COLGALT2: variants seen among roughly 807,000 people sequenced by gnomAD.
COLGALT2 encodes procollagen galactosyltransferase 2.
A neutral mutation model predicts 73.4 loss-of-function variants in COLGALT2; 49 were observed. That is an observed-to-expected ratio of 0.67 (90% CI 0.53 to 0.85). COLGALT2 has a LOEUF of 0.85. Among genes scored for constraint, COLGALT2 ranks in the 40% least tolerant of loss-of-function variants. COLGALT2 has a pLI of 0.00. For synonymous variants in COLGALT2, 295 were observed against 307.6 expected, an observed-to-expected ratio of 0.96 and a Z score of 0.43; for missense variants, 722 against 790.2, an observed-to-expected ratio of 0.91 and a Z score of 1.03.
At chr1:184,003,029 A>C (rs891434998) in intron 1 of COLGALT2, among the ~76,000 whole-genome samples, 2 of 152,236 alleles carry the variant, frequency 1.3e-5, no homozygotes, top group Non-Finnish European at 2.9e-5. Flanking sequence ...AATATTCAAC[A>C]GTAGGTGACT....
At chr1:184,024,422 G>A (rs946063127) in intron 1 of COLGALT2, among the ~76,000 whole-genome samples, 7 of 150,324 alleles carry the variant, frequency 4.7e-5, no homozygotes, top group East Asian at 2.0e-4. Context: ...GCATGATCTC[G>A]GCTCACTGCA....
At chr1:184,022,709 T>C (rs904817659) in intron 1 of COLGALT2, among the ~76,000 whole-genome samples, 2 of 152,218 alleles carry the variant, frequency 1.3e-5, no homozygotes, top group African/African-American at 2.4e-5. Context: ...AAATCTCAGA[T>C]ACTCTATTAC....
intron 1 of COLGALT2, among the ~76,000 whole-genome samples, chr1:184,032,046 A>G (rs1649530445): frequency 1.3e-5 from 2 of 152,084 alleles, no homozygotes; most frequent in Non-Finnish European, 2.9e-5. Context: ...GGTGCATGCC[A>G]TCGTGCCTGG....
At position 184,037,728 on chromosome 1, in the gene COLGALT2, T is replaced by G. The variant is rs967983108; in HGVS notation, c.-371A>C. On this transcript the variant is annotated 5_prime_UTR_variant, in exon 1 of 12. Coordinates refer to ENST00000361927, the MANE Select transcript of COLGALT2 (RefSeq NM_015101.4). ...TGGCCTTCCCTAGAGCCGCGAGTTG[T>G]GGCCCTGTCTGCCAATGAGCCTGTG... 1.2e-6 allele frequency: 1 copy of G among 856,600 alleles called. No individual in the cohort carries two copies. Among genetic ancestry groups the G allele is most frequent in the Non-Finnish European group, 1.4e-6 (1 of 709,298 alleles). The allele number at this position is 856,600 out of a possible 1,614,324, so 53.1% of individuals were successfully genotyped here. A position where few individuals can be genotyped will look rare whatever the true frequency, so the allele number is the denominator to read the frequency against.
intron 1 of COLGALT2, among the ~76,000 whole-genome samples, chr1:184,011,500 G>A (rs948463739): frequency 6.6e-6 from 1 of 152,122 alleles, no homozygotes; most frequent in Non-Finnish European, 1.5e-5. Context: ...ACTGCCATCT[G>A]CTACATAGGA....
intron 7 of COLGALT2, among the ~76,000 whole-genome samples, chr1:183,952,895 T>C (rs1670438028): frequency 6.6e-6 from 1 of 152,238 alleles, no homozygotes; most frequent in South Asian, 2.1e-4. Flanking sequence ...CATACTGTGA[T>C]GGGTCATGCC....
chr1:183,954,601 G>A (rs1670502682), intron 7 of COLGALT2, among the ~76,000 whole-genome samples, 161 bp downstream of exon 7: 1 of 152,090 alleles, frequency 6.6e-6, no homozygotes, highest in African/African-American at 2.4e-5. Flanking sequence ...AGGAAACTGA[G>A]AACAACAAAA....
At chr1:183,975,065 C>A in intron 3 of COLGALT2, 32 bp downstream of exon 3, 1 of 1,463,860 alleles carries the variant, frequency 6.8e-7, no homozygotes, top group Non-Finnish European at 9.6e-7. Flanking sequence ...CCTGAGATGA[C>A]AGTTGTCAAG....
At chr1:184,037,005 C>A (rs1453075924) in intron 1 of COLGALT2, 90 bp downstream of exon 1, 5 of 1,130,236 alleles carry the variant, frequency 4.4e-6, no homozygotes, top group Admixed American at 4.4e-5. Context: ...GCGGCTCCCT[C>A]GCCCTGCAGC....
chr1:183,940,032 C>T (rs1244652772), intron 11 of COLGALT2, among the ~76,000 whole-genome samples: 1 of 152,222 alleles, frequency 6.6e-6, no homozygotes, highest in East Asian at 1.9e-4. Flanking sequence ...CCCCAAGCAT[C>T]ACACTGCCCT....
chr1:184,020,074 C>G (rs1055261274), intron 1 of COLGALT2, among the ~76,000 whole-genome samples: 1 of 152,090 alleles, frequency 6.6e-6, no homozygotes, highest in African/African-American at 2.4e-5. Flanking sequence ...CATTTATTGT[C>G]TAAGTGGTAT....
At chr1:184,025,097 G>A (rs1010702779) in intron 1 of COLGALT2, among the ~76,000 whole-genome samples, 6 of 152,240 alleles carry the variant, frequency 3.9e-5, no homozygotes, top group African/African-American at 1.4e-4. Context: ...CGTTATGAAA[G>A]CTGTTAAGAT....
rs1470438115 is a variant in COLGALT2, at chr1:183,938,002, C to T, written c.*759G>A. 11 of 985,226 alleles carry T rather than the reference C, an allele frequency of 1.1e-5. No individual in the cohort carries two copies. Among genetic ancestry groups the T allele is most frequent in the Middle Eastern group, 1.0e-3 (2 of 1,936 alleles). The allele number at this position is 985,226 out of a possible 1,614,324, so 61.0% of individuals were successfully genotyped here. A position where few individuals can be genotyped will look rare whatever the true frequency, so the allele number is the denominator to read the frequency against. On this transcript the variant is annotated 3_prime_UTR_variant, in exon 12 of 12. Transcript: ENST00000361927. ...TCTTTATAAATAGAGCATCCTGACT[C>T]GAGTGGCCATAATAAAAAAGCCAAA...
intron 1 of COLGALT2, among the ~76,000 whole-genome samples, chr1:184,036,401 G>A (rs1449765811): frequency 6.6e-6 from 1 of 152,158 alleles, no homozygotes; most frequent in Non-Finnish European, 1.5e-5. Context: ...GGGCATCTTC[G>A]TCTCTCCCCG....
chr1:183,967,225 C>A (rs1670900099), intron 5 of COLGALT2, among the ~76,000 whole-genome samples: 1 of 152,262 alleles, frequency 6.6e-6, no homozygotes, highest in Admixed American at 6.5e-5. Context: ...CCTGCCTTGA[C>A]TCCTGCCCTG....
chr1:184,007,886 A>G (rs570548636), intron 1 of COLGALT2, among the ~76,000 whole-genome samples: 5 of 152,372 alleles, frequency 3.3e-5, no homozygotes, highest in Non-Finnish European at 2.9e-5. Context: ...AAAGTAGAAT[A>G]CATAAACAGA....
intron 1 of COLGALT2, among the ~76,000 whole-genome samples, chr1:184,028,097 G>A (rs1572687073): frequency 6.6e-6 from 1 of 152,168 alleles, no homozygotes; most frequent in African/African-American, 2.4e-5. Flanking sequence ...TCATTGTGGT[G>A]TGTGGTGCTG....
At chr1:183,958,625 C>T (rs1168005528) in intron 6 of COLGALT2, among the ~76,000 whole-genome samples, 1 of 150,876 alleles carries the variant, frequency 6.6e-6, no homozygotes, top group African/African-American at 2.4e-5. Flanking sequence ...CTTTTCAATC[C>T]ACCTCAAGTC....
chr1:183,966,678 T>C (rs928728659), intron 5 of COLGALT2, among the ~76,000 whole-genome samples: 5 of 152,204 alleles, frequency 3.3e-5, no homozygotes, highest in Non-Finnish European at 5.9e-5. Flanking sequence ...ATCAGACATT[T>C]GGAAGACGAC....
Sources: allele counts gnomAD v4.1 joint callset (sites outside exome capture counted in the v4.1 genomes callset), GRCh38; gene constraint gnomAD v4.1.1; transcripts MANE v1.5; gene names NCBI Gene and HGNC (gene_info 2026-07-23, HGNC 2026-07-21).